The following ADARB2 variants were observed in gnomAD, a reference collection of about 807,000 sequenced individuals.
ADARB2 encodes inactive double-stranded RNA-specific editase B2.
Under a neutral mutation model 62.2 loss-of-function variants are expected in ADARB2, and 25 were observed. That is an observed-to-expected ratio of 0.40 (90% CI 0.29 to 0.56). The LOEUF is 0.56. Ranked by LOEUF, ADARB2 falls within the 20% of genes least tolerant of loss-of-function variation. ADARB2 has a pLI of 0.43. For missense variants in ADARB2, 1,071 were observed against 1,077.4 expected, an observed-to-expected ratio of 0.99 and a Z score of 0.08; for synonymous variants, 572 against 500.8, an observed-to-expected ratio of 1.14 and a Z score of -1.90.
intron 1 of ADARB2, among the ~76,000 whole-genome samples, chr10:1,482,139 C>T (rs1197146074): frequency 6.6e-6 from 1 of 152,166 alleles, no homozygotes; most frequent in Non-Finnish European, 1.5e-5. Flanking sequence ...TGTAAATTGC[C>T]AGTGTGAATA....
At chr10:1,369,016 A>G (rs1006875131) in intron 2 of ADARB2, among the ~76,000 whole-genome samples, 16 of 150,312 alleles carry the variant, frequency 1.1e-4, no homozygotes, top group African/African-American at 3.7e-4. Flanking sequence ...AAAATGGAGG[A>G]GCTCACGTCC....
Position 1,379,093 on chromosome 10 carries a change from C to A in ADARB2, c.168G>T (p.Thr56=). ...FKHLSPGITN[T]EDDDTLSTSS... is the part of the protein sequence containing the mutation. ...GCTTACTGAGGGTGTCGTCATCCTC[C>A]GTGTTTGTGATGCCAGGACTCAGGT... The change falls in exon 2 of 10, where the codon ACG becomes ACT. Residue 56 remains threonine, a synonymous_variant. Transcript: ENST00000381312. 1 of 1,613,520 alleles carries A rather than the reference C, an allele frequency of 6.2e-7. No homozygotes were observed. The highest frequency in any genetic ancestry group is 8.5e-7 in the Non-Finnish European group (1 of 1,179,624).
At chr10:1,493,067 A>G (rs942585475) in intron 1 of ADARB2, among the ~76,000 whole-genome samples, 2 of 152,196 alleles carry the variant, frequency 1.3e-5, no homozygotes, top group African/African-American at 4.8e-5. Flanking sequence ...TTCTGTTGCT[A>G]TTCAATAGTT....
intron 1 of ADARB2, among the ~76,000 whole-genome samples, chr10:1,719,168 T>G (rs1049592721): frequency 4.6e-5 from 7 of 152,146 alleles, no homozygotes; most frequent in African/African-American, 1.7e-4. Context: ...TTCACCATGT[T>G]GGCCAGGCTG....
At chr10:1,698,788 C>T (rs1834782018) in intron 1 of ADARB2, among the ~76,000 whole-genome samples, 1 of 152,176 alleles carries the variant, frequency 6.6e-6, no homozygotes, top group Non-Finnish European at 1.5e-5. Flanking sequence ...TAAATGGCAT[C>T]TTGCTCTGTC....
chr10:1,268,119 A>G (rs946023971), intron 4 of ADARB2, among the ~76,000 whole-genome samples: 4 of 152,196 alleles, frequency 2.6e-5, no homozygotes, highest in Non-Finnish European at 4.4e-5. Context: ...AAACATAATA[A>G]TGGAAAATGA....
chr10:1,520,757 T>C (rs557519435), intron 1 of ADARB2, among the ~76,000 whole-genome samples: 117 of 152,326 alleles, frequency 7.7e-4, no homozygotes, highest in African/African-American at 2.5e-3. Flanking sequence ...AAGAAAATTA[T>C]GGAAAAATTA....
Position 1,200,172 on chromosome 10 carries a change from G to A in ADARB2, c.1683-25C>T, listed in dbSNP as rs114548787. 15,933 of 1,550,300 alleles carry A rather than the reference G, an allele frequency of 0.01. 1,366 individuals are homozygous for A. The African/African-American group carries it at 0.19, about 18-fold the overall frequency. ...CCTGTGGGGAGAGCCAGCAGTCAGC[G>A]GAGCCCCACCCAGGAGCCCAGGGAG... On this transcript the variant is annotated intron_variant, in intron 7 of 9. Coordinates refer to ENST00000381312, the MANE Select transcript of ADARB2 (RefSeq NM_018702.4).
At position 1,704,498 on chromosome 10, in the gene ADARB2, A is replaced by C. The variant is rs182459736; in HGVS notation, c.100+32553T>G. ...ATCTAATGCCACTGTGACCTGACAG[A>C]AGGCAGAGCTCAGACATAATGTGAG... On this transcript the variant is annotated intron_variant, in intron 1 of 9. Transcript: ENST00000381312. This position sits in a 1 kb window ranked among gnomAD's most constrained non-coding sequence, Gnocchi z 5.6. 6.6e-6 allele frequency among the ~76,000 whole-genome samples: 1 copy of C among 152,316 alleles called. No individual in the cohort carries two copies. Among genetic ancestry groups the C allele is most frequent in the African/African-American group, 2.4e-5 (1 of 41,564 alleles).
At chr10:1,280,377 C>A (rs192809343) in intron 3 of ADARB2, among the ~76,000 whole-genome samples, 2 of 152,298 alleles carry the variant, frequency 1.3e-5, no homozygotes, top group Admixed American at 6.5e-5. Flanking sequence ...TGCTCTCTGC[C>A]CCTCATAGGC....
intron 1 of ADARB2, among the ~76,000 whole-genome samples, chr10:1,399,896 G>A (rs950099026): frequency 3.9e-5 from 6 of 152,214 alleles, no homozygotes; most frequent in African/African-American, 1.4e-4. Context: ...CTGGTGGGAG[G>A]CTGCCCCAAG....
intron 3 of ADARB2, among the ~76,000 whole-genome samples, chr10:1,277,164 G>A (rs61832019): frequency 6.6e-6 from 1 of 152,146 alleles, no homozygotes; most frequent in Non-Finnish European, 1.5e-5. Context: ...GGAAAGATCT[G>A]AAATTGACAC....
chr10:1,512,477 C>T (rs576275390), intron 1 of ADARB2, among the ~76,000 whole-genome samples: 17 of 152,200 alleles, frequency 1.1e-4, no homozygotes, highest in South Asian at 2.1e-4. Context: ...GGGTGTTTCA[C>T]GTTGGCCATC....
intron 1 of ADARB2, among the ~76,000 whole-genome samples, chr10:1,406,417 G>C (rs1422364056): frequency 6.6e-6 from 1 of 152,202 alleles, no homozygotes; most frequent in Non-Finnish European, 1.5e-5. Flanking sequence ...AGTGGCCTGG[G>C]GGACCTCGTG....
chr10:1,279,218 C>A (rs1258049253), intron 3 of ADARB2, among the ~76,000 whole-genome samples: 2 of 152,082 alleles, frequency 1.3e-5, no homozygotes, highest in East Asian at 3.9e-4. Flanking sequence ...TCTCTTGGCG[C>A]GTGGGTGCTG....
intron 1 of ADARB2, among the ~76,000 whole-genome samples, chr10:1,542,467 T>C (rs866197975): frequency 1.8e-4 from 2 of 11,336 alleles, no homozygotes; most frequent in Admixed American, 1.2e-3. Context: ...CGCACTCAGA[T>C]GTAGTTCAGA....
intron 1 of ADARB2, among the ~76,000 whole-genome samples, chr10:1,697,238 C>T (rs1243621823): frequency 6.6e-6 from 1 of 152,164 alleles, no homozygotes; most frequent in Non-Finnish European, 1.5e-5. Flanking sequence ...AGCCCTGTGG[C>T]AAGAGGGTCA....
chr10:1,199,898 C>T, intron 8 of ADARB2, 68 bp downstream of exon 8: 1 of 1,421,746 alleles, frequency 7.0e-7, no homozygotes. Flanking sequence ...GATGGCACCG[C>T]CGGGCACACC....
chr10:1,608,977 A>G (rs761464490), intron 1 of ADARB2, among the ~76,000 whole-genome samples: 8 of 152,154 alleles, frequency 5.3e-5, no homozygotes, highest in Non-Finnish European at 1.0e-4. Context: ...AAACCGTGGC[A>G]TCCTCTTGAG....
Sources: allele counts gnomAD v4.1 joint callset (sites outside exome capture counted in the v4.1 genomes callset), GRCh38; gene constraint gnomAD v4.1.1; non-coding constraint Gnocchi (gnomAD v3.1); transcripts MANE v1.5; gene names NCBI Gene and HGNC (gene_info 2026-07-23, HGNC 2026-07-21).